CD109: variants seen among roughly 807,000 people sequenced by gnomAD.
CD109 encodes CD109 molecule, also known as CD109 antigen.
In CD109, 149 loss-of-function variants were observed where a neutral mutation model predicts 165.8. The ratio of observed to expected loss-of-function variants is 0.90; its 90% confidence interval spans 0.79 to 1.03. The LOEUF (loss-of-function observed/expected upper bound fraction) is 1.03. Among genes scored for constraint, CD109 ranks in the 50% least tolerant of loss-of-function variants. The pLI, the probability that CD109 is intolerant of heterozygous loss-of-function variation, is 0.00. For synonymous variants in CD109, 585 were observed against 592.1 expected, an observed-to-expected ratio of 0.99 and a Z score of 0.18; for missense variants, 1,712 against 1,677.8, an observed-to-expected ratio of 1.02 and a Z score of -0.36.
chr6:73,695,945 C>G, upstream of CD109: 1 of 449,578 alleles, frequency 2.2e-6, no homozygotes. Flanking sequence ...CAGGTGGGGC[C>G]GCCTGCGTTT....
At position 73,771,526 on chromosome 6, in the gene CD109, C is replaced by T. The variant is rs779564460; in HGVS notation, c.1772C>T (p.Ala591Val). The change falls in exon 15 of 33, where the codon GCT (alanine) becomes GTT (valine). Residue 591 changes from alanine to valine, a missense_variant. Ala to Val is a moderately conservative substitution (Grantham distance 64). Transcript: ENST00000287097. ...TQPDSIVGIV[A>V]VDKSVNLMNA... ...CCTGACTCCATAGTTGGGATTGTAG[C>T]TGTTGACAAAAGTGTGAATCTGATG... 6.2e-7 allele frequency: 1 copy of T among 1,609,500 alleles called. No homozygotes were observed. The highest frequency in any genetic ancestry group is 8.5e-7 in the Non-Finnish European group (1 of 1,178,084).
rs1773673955 is a variant in CD109, at chr6:73,762,487, T to A, written c.855+7T>A. On this transcript the variant is annotated splice_region_variant and intron_variant, in intron 8 of 32. Coordinates refer to ENST00000287097, the MANE Select transcript of CD109 (RefSeq NM_133493.5). ...TATTACAAAAACATTTAAGGTAACT[T>A]TTGCAGACACTTTATAACTTGTGAT... is the stretch of plus-strand genomic sequence containing the variant. 3 of 1,535,582 alleles carry A rather than the reference T, an allele frequency of 2.0e-6. No individual in the cohort carries two copies. The Admixed American group carries it at 5.0e-5, about 26-fold the overall frequency.
intron 11 of CD109, among the ~76,000 whole-genome samples, chr6:73,766,442 G>A (rs1275248127): frequency 2.6e-5 from 4 of 151,608 alleles, no homozygotes; most frequent in Non-Finnish European, 4.4e-5. Context: ...TCAGTCATTT[G>A]AAATTTTATT....
intron 4 of CD109, among the ~76,000 whole-genome samples, chr6:73,733,150 T>C (rs1772426072): frequency 6.6e-6 from 1 of 152,196 alleles, no homozygotes; most frequent in African/African-American, 2.4e-5. Context: ...TATGATATTT[T>C]CTACATCTTT....
chr6:73,787,492 G>A (rs368672496), intron 21 of CD109, 40 bp downstream of exon 21: 68 of 1,498,818 alleles, frequency 4.5e-5, no homozygotes, highest in African/African-American at 2.3e-4. Context: ...ATGGAAATAC[G>A]TAATTAAAAA....
intron 15 of CD109, among the ~76,000 whole-genome samples, chr6:73,778,274 C>T (rs756167378): frequency 3.9e-5 from 6 of 152,156 alleles, no homozygotes; most frequent in Admixed American, 6.5e-5. Flanking sequence ...AGTTGTTTAT[C>T]GGTTTAAGAA....
At chr6:73,784,347 T>C (rs1410636928) in intron 19 of CD109, among the ~76,000 whole-genome samples, 2 of 152,232 alleles carry the variant, frequency 1.3e-5, no homozygotes, top group East Asian at 3.8e-4. Context: ...ATAATCGTAT[T>C]CATGAAAAAT....
chr6:73,689,062 G>A, the CD109 span, among the ~76,000 whole-genome samples: 1 of 152,090 alleles, frequency 6.6e-6, no homozygotes, highest in Non-Finnish European at 1.5e-5. Context: ...GAGCCACCAA[G>A]CCCAGCTGCT....
At chr6:73,736,331 C>T in intron 4 of CD109, 52 bp from the exon 5 acceptor site, 1 of 1,597,162 alleles carries the variant, frequency 6.3e-7, no homozygotes, top group Admixed American at 1.7e-5. Flanking sequence ...TGATAGGATA[C>T]ACATGCACAT....
Position 73,703,468 on chromosome 6 carries a change from A to G in CD109, c.247+5896A>G, listed in dbSNP as rs527257803. Among the ~76,000 whole-genome samples the G allele has an allele frequency of 3.3e-5, 5 of 152,320 alleles. No individual in the cohort carries two copies. The South Asian group carries it at 1.0e-3, about 32-fold the overall frequency. Reference sequence around the variant, plus strand: ...TATGGCTGGGAGACTGAGGTGAGGCATGGGATCTGGGGATTTTCCCAAGGT... The same window carrying G: ...TATGGCTGGGAGACTGAGGTGAGGCGTGGGATCTGGGGATTTTCCCAAGGT... On this transcript the variant is annotated intron_variant, in intron 2 of 32. Transcript: ENST00000287097.
chr6:73,823,755 T>TG lies in CD109; in HGVS notation c.*123dup. ...AGAGTTTTTTTTCTTTCTATGGGGT[T>TG]GCAGGGATGGTGTACAACAGGTCCT... On this transcript the variant is annotated 3_prime_UTR_variant, in exon 33 of 33. Coordinates refer to ENST00000287097, the MANE Select transcript of CD109 (RefSeq NM_133493.5). 2.3e-6 allele frequency: 2 copies of TG among 871,208 alleles called. No homozygotes were observed. The highest frequency in any genetic ancestry group is 3.5e-5 in the South Asian group (2 of 57,262). The allele number at this position is 871,208 out of a possible 1,614,324, so 54.0% of individuals were successfully genotyped here.
At chr6:73,715,976 T>C (rs1411346957) in intron 2 of CD109, among the ~76,000 whole-genome samples, 1 of 152,210 alleles carries the variant, frequency 6.6e-6, no homozygotes, top group Non-Finnish European at 1.5e-5. Flanking sequence ...ATCTCCATTA[T>C]TAGTTAAATT....
chr6:73,734,758 T>C (rs1352433877), intron 4 of CD109, among the ~76,000 whole-genome samples: 4 of 152,246 alleles, frequency 2.6e-5, no homozygotes, highest in South Asian at 2.1e-4. Context: ...TCTTCTGTTC[T>C]AATAACTGGC....
chr6:73,694,604 T>G (rs147128195), upstream of CD109: 1 of 152,230 alleles, frequency 6.6e-6, no homozygotes, highest in Non-Finnish European at 1.5e-5. Context: ...CTCATCAAAT[T>G]GCCCCCAAAT....
intron 23 of CD109, 126 bp from the exon 24 acceptor site, chr6:73,803,094 G>T: frequency 1.5e-6 from 1 of 663,192 alleles, no homozygotes; most frequent in Non-Finnish European, 2.7e-6. Context: ...CTCAATATTA[G>T]CTCTTGGTTT....
At chr6:73,681,189 T>C in the CD109 span, among the ~76,000 whole-genome samples, 259 of 152,252 alleles carry the variant, frequency 1.7e-3, 2 homozygotes, top group African/African-American at 5.3e-3. Flanking sequence ...CCCAGTGATA[T>C]TGAGGTGAAA....
chr6:73,815,161 TA>T (rs778209777), intron 30 of CD109, 38 bp downstream of exon 30: 1 of 1,508,254 alleles, frequency 6.6e-7, no homozygotes. Flanking sequence ...TTTTTTCCTT[TA>T]AAAAATAGAC....
chr6:73,820,134 C>T (rs893599979), intron 31 of CD109, among the ~76,000 whole-genome samples: 6 of 152,160 alleles, frequency 3.9e-5, no homozygotes, highest in Middle Eastern at 3.4e-3. Context: ...CTGCTGTGAG[C>T]CATTAGTAGT....
chr6:73,822,859 T>G (rs1776146380), intron 32 of CD109, among the ~76,000 whole-genome samples: 1 of 152,234 alleles, frequency 6.6e-6, no homozygotes, highest in African/African-American at 2.4e-5. Context: ...TAGAATATGT[T>G]TTTTAAAAAT....
Sources: allele counts gnomAD v4.1 joint callset (sites outside exome capture counted in the v4.1 genomes callset), GRCh38; gene constraint gnomAD v4.1.1; transcripts MANE v1.5; gene names NCBI Gene and HGNC (gene_info 2026-07-23, HGNC 2026-07-21).